The following ERC2 variants were observed in gnomAD, a reference collection of about 807,000 sequenced individuals.
ERC2 encodes the protein ELKS/RAB6-interacting/CAST family member 2, also known as ERC protein 2.
ERC2 carries 42 observed loss-of-function variants against 114.8 expected under a neutral mutation model. The observed-to-expected ratio is 0.37, with a 90% CI of 0.29 to 0.47. The LOEUF (loss-of-function observed/expected upper bound fraction) is 0.47. ERC2 is among the 20% of genes least tolerant of loss of function. The pLI is 0.99. For synonymous variants in ERC2, 454 were observed against 425.5 expected, an observed-to-expected ratio of 1.07 and a Z score of -0.82; for missense variants, 939 against 1,150.7, an observed-to-expected ratio of 0.82 and a Z score of 2.66.
chr3:56,418,990 G>C (rs974041518), intron 2 of ERC2, among the ~76,000 whole-genome samples: 1 of 152,184 alleles, frequency 6.6e-6, no homozygotes, highest in Non-Finnish European at 1.5e-5. Context: ...TCATGCTCAG[G>C]TCAAGTTCCA....
intron 17 of ERC2, among the ~76,000 whole-genome samples, chr3:55,639,031 A>C (rs1363226151): frequency 1.3e-5 from 2 of 152,198 alleles, no homozygotes; most frequent in African/African-American, 4.8e-5. Context: ...CACCCTATAG[A>C]AATGGCTTCA....
rs139129966 is a variant in ERC2, at chr3:55,726,796, C to T, written c.2712+7975G>A. On this transcript the variant is annotated intron_variant, in intron 15 of 17. Coordinates refer to ENST00000288221, the MANE Select transcript of ERC2 (RefSeq NM_015576.3). Reference sequence around the variant, plus strand: ...TCACAGAGAACCAGGGGACTAGTCTCCTGGTCTTAATGCCTTCCTGCTCTA... The same window carrying T: ...TCACAGAGAACCAGGGGACTAGTCTTCTGGTCTTAATGCCTTCCTGCTCTA... 5.3e-5 allele frequency among the ~76,000 whole-genome samples: 8 copies of T among 152,280 alleles called. No individual in the cohort carries two copies. In the East Asian group the frequency reaches 1.5e-3, roughly 29 times the overall value.
At chr3:55,657,750 G>C (rs1245377175) in intron 17 of ERC2, 1 of 152,116 alleles carries the variant, frequency 6.6e-6, no homozygotes, top group African/African-American at 2.4e-5. Context: ...GTAAGCCACC[G>C]CACCCACCCC....
At chr3:55,668,224 G>T (rs2061429176) in intron 17 of ERC2, among the ~76,000 whole-genome samples, 1 of 152,148 alleles carries the variant, frequency 6.6e-6, no homozygotes, top group South Asian at 2.1e-4. Context: ...TTAAGGAGCT[G>T]GGTCTGAATA....
intron 17 of ERC2, among the ~76,000 whole-genome samples, chr3:55,628,693 A>G (rs924829942): frequency 1.3e-5 from 2 of 152,202 alleles, no homozygotes; most frequent in African/African-American, 2.4e-5. Context: ...AATGTCATTG[A>G]AAAAAGAAGA....
chr3:55,890,971 G>A (rs2063569731), intron 13 of ERC2, among the ~76,000 whole-genome samples: 1 of 152,132 alleles, frequency 6.6e-6, no homozygotes, highest in African/African-American at 2.4e-5. Context: ...ATGGCCATGG[G>A]TTCTTCCTGT....
At chr3:56,099,474 T>C (rs1390821856) in intron 6 of ERC2, among the ~76,000 whole-genome samples, 2 of 151,900 alleles carry the variant, frequency 1.3e-5, no homozygotes, top group Non-Finnish European at 2.9e-5. Flanking sequence ...CTACAGGGAG[T>C]GATACGTAAA....
At chr3:56,458,573 C>T (rs1282756572) in intron 1 of ERC2, among the ~76,000 whole-genome samples, 1 of 152,192 alleles carries the variant, frequency 6.6e-6, no homozygotes, top group Non-Finnish European at 1.5e-5. Flanking sequence ...TGATGAACAG[C>T]AGCCACTAAG....
At chr3:55,911,519 A>T (rs951773598) in intron 13 of ERC2, among the ~76,000 whole-genome samples, 1 of 152,192 alleles carries the variant, frequency 6.6e-6, no homozygotes, top group African/African-American at 2.4e-5. Flanking sequence ...GTCTCCTATA[A>T]TATCACCTTT....
chr3:55,798,439 A>G (rs372669066), intron 14 of ERC2, among the ~76,000 whole-genome samples: 1 of 152,096 alleles, frequency 6.6e-6, no homozygotes, highest in Non-Finnish European at 1.5e-5. Context: ...TCTACTAAAA[A>G]TACAAAAAAT....
intron 17 of ERC2, among the ~76,000 whole-genome samples, chr3:55,666,176 G>C (rs999438291): frequency 2.0e-5 from 3 of 152,164 alleles, no homozygotes; most frequent in African/African-American, 4.8e-5. Flanking sequence ...ATCAGCGGTG[G>C]AGCGGGGATT....
intron 5 of ERC2, among the ~76,000 whole-genome samples, chr3:56,147,779 A>G (rs1195794398): frequency 6.6e-6 from 1 of 152,242 alleles, no homozygotes; most frequent in African/African-American, 2.4e-5. Flanking sequence ...TTATTTTCAG[A>G]AGCAAAATGA....
chr3:55,926,431 A>G (rs2065758251), intron 13 of ERC2, among the ~76,000 whole-genome samples: 1 of 150,306 alleles, frequency 6.7e-6, no homozygotes, highest in African/African-American at 2.5e-5. Flanking sequence ...AAAAAAAACT[A>G]AAAGATCGAA....
intron 17 of ERC2, among the ~76,000 whole-genome samples, chr3:55,632,607 T>C (rs944627654): frequency 2.0e-5 from 3 of 152,204 alleles, no homozygotes; most frequent in African/African-American, 7.2e-5. Context: ...CTCCATCCTA[T>C]AGGATCTTTA....
chr3:56,250,148 G>A (rs1469192790), intron 3 of ERC2, among the ~76,000 whole-genome samples: 12 of 152,090 alleles, frequency 7.9e-5, no homozygotes, highest in Non-Finnish European at 1.5e-5. Flanking sequence ...GAGCCACCAC[G>A]CCCGGCCATC....
intron 13 of ERC2, among the ~76,000 whole-genome samples, chr3:55,949,634 T>C (rs2067361773): frequency 6.6e-6 from 1 of 152,232 alleles, no homozygotes; most frequent in Non-Finnish European, 1.5e-5. Flanking sequence ...TGAGTACATA[T>C]TGAAATTATC....
Position 55,508,454 on chromosome 3 carries a change from T to C in ERC2, c.*2862A>G, listed in dbSNP as rs917105225. 2.0e-5 allele frequency: 3 copies of C among 152,674 alleles called. No homozygotes were observed. The highest frequency in any genetic ancestry group is 4.8e-5 in the African/African-American group (2 of 41,466). 9.5% of individuals were successfully genotyped at this position (152,674 alleles called of 1,614,324 possible). On this transcript the variant is annotated 3_prime_UTR_variant, in exon 18 of 18. Coordinates refer to ENST00000288221, the MANE Select transcript of ERC2 (RefSeq NM_015576.3). ...ACACGAGGTTACAATGACTGGCTAA[T>C]ACATGCCCACTGGTAGTTTCCAGGG...
intron 2 of ERC2, among the ~76,000 whole-genome samples, chr3:56,419,288 A>G (rs1491163): frequency 0.83 from 126,839 of 152,178 alleles, 53,159 homozygotes; most frequent in East Asian, 0.94. Context: ...GATTTGAGTT[A>G]CAATTACAAA....
intron 12 of ERC2, among the ~76,000 whole-genome samples, chr3:55,978,518 C>G (rs1284980317): frequency 6.6e-6 from 1 of 152,206 alleles, no homozygotes; most frequent in Non-Finnish European, 1.5e-5. Flanking sequence ...CGGCTTCTCT[C>G]TCGTATCAAC....
Sources: gnomAD v4.1 joint callset for allele counts (sites outside exome capture counted in the v4.1 genomes callset) on GRCh38, gnomAD v4.1.1 for gene constraint, MANE v1.5 for transcripts, NCBI Gene and HGNC (gene_info 2026-07-23, HGNC 2026-07-21) for gene names.